Variants in ANKRD28 observed in about 807,000 individuals in gnomAD.
The protein encoded by ANKRD28 is ankyrin repeat domain 28.
ANKRD28 carries 44 observed loss-of-function variants against 126.5 expected under a neutral mutation model. The observed-to-expected ratio is 0.35, with a 90% CI of 0.27 to 0.45. The LOEUF (loss-of-function observed/expected upper bound fraction) is 0.45, where lower values mean the gene tolerates loss of function less well. Ranked by LOEUF, ANKRD28 falls within the 20% of genes least tolerant of loss-of-function variation. The pLI is 1.00. For synonymous variants in ANKRD28, 442 were observed against 468.5 expected, an observed-to-expected ratio of 0.94 and a Z score of 0.73; for missense variants, 1,110 against 1,316.6, an observed-to-expected ratio of 0.84 and a Z score of 2.43.
intron 4 of ANKRD28, among the ~76,000 whole-genome samples, chr3:15,744,007 G>GC (rs2057305093): frequency 6.6e-6 from 1 of 152,108 alleles, no homozygotes; most frequent in African/African-American, 2.4e-5. Flanking sequence ...TAAACCAAAA[G>GC]CCACCTACAG....
At chr3:15,713,398 G>C (rs1575328786) in intron 10 of ANKRD28, 129 bp downstream of exon 10, 1 of 665,092 alleles carries the variant, frequency 1.5e-6, no homozygotes. Context: ...CAATACAAAA[G>C]AAAGTTCAAG....
At chr3:15,780,104 G>C (rs1575651889) in intron 2 of ANKRD28, among the ~76,000 whole-genome samples, 1 of 151,958 alleles carries the variant, frequency 6.6e-6, no homozygotes, top group African/African-American at 2.4e-5. Context: ...GAAGTAAAAG[G>C]CATCCTAATA....
At chr3:15,781,451 T>G (rs2059536631) in intron 2 of ANKRD28, 1 of 152,122 alleles carries the variant, frequency 6.6e-6, no homozygotes, top group South Asian at 2.1e-4. Flanking sequence ...TATATTAGCT[T>G]GATTTAATCA....
At chr3:15,761,921 C>A (rs1018831011) in intron 3 of ANKRD28, among the ~76,000 whole-genome samples, 19 of 152,042 alleles carry the variant, frequency 1.2e-4, no homozygotes, top group Non-Finnish European at 2.8e-4. Flanking sequence ...CATGGTGGCT[C>A]ACAGCTGTAA....
chr3:15,769,849 G>A (rs777199347), intron 2 of ANKRD28, among the ~76,000 whole-genome samples: 1 of 152,126 alleles, frequency 6.6e-6, no homozygotes, highest in African/African-American at 2.4e-5. Flanking sequence ...AAGGCAAACA[G>A]TGAACAGTAA....
chr3:15,841,821 G>C (rs2061428863), intron 1 of ANKRD28, among the ~76,000 whole-genome samples: 1 of 152,140 alleles, frequency 6.6e-6, no homozygotes, highest in Non-Finnish European at 1.5e-5. Context: ...CTTGTACACT[G>C]TTGGTAGGAA....
At chr3:15,740,632 C>T (rs1316077070) in intron 4 of ANKRD28, among the ~76,000 whole-genome samples, 1 of 152,134 alleles carries the variant, frequency 6.6e-6, no homozygotes, top group East Asian at 1.9e-4. Context: ...GAGATGTCAG[C>T]CTTGCCTTAT....
At position 15,669,684 on chromosome 3, in the gene ANKRD28, A is replaced by C. The variant is rs1230118899; in HGVS notation, c.*586T>G. On this transcript the variant is annotated 3_prime_UTR_variant, in exon 28 of 28. Coordinates refer to ENST00000683139, the MANE Select transcript of ANKRD28 (RefSeq NM_001349278.2). ...CTTTCAGATGTTTTCTTAAAAAAAA[A>C]ACAAAACCCAAAAAAACTCAACATT... The C allele has an allele frequency of 2.0e-5, 3 of 152,594 alleles. No individual in the cohort carries two copies. Among genetic ancestry groups the C allele is most frequent in the African/African-American group, 4.8e-5 (2 of 41,438 alleles). 9.5% of individuals were successfully genotyped at this position (152,594 alleles called of 1,614,324 possible). A position where few individuals can be genotyped will look rare whatever the true frequency, so the allele number is the denominator to read the frequency against.
At chr3:15,730,519 C>G (rs1028078125) in intron 6 of ANKRD28, among the ~76,000 whole-genome samples, 3 of 152,204 alleles carry the variant, frequency 2.0e-5, no homozygotes, top group Non-Finnish European at 1.5e-5. Flanking sequence ...CCCAATGTCT[C>G]TTACACTAAC....
In ANKRD28 at chr3:15,757,714, C is replaced by T. The variant is rs200190663; in HGVS notation, c.281-5894G>A. On this transcript the variant is annotated intron_variant, in intron 3 of 27. Transcript: ENST00000683139. ...CCAGATACCAAATCTTCTGGCATCA[C>T]GATCTTCCCAGGCCCCAGAACTGAG... 3.7e-4 allele frequency among the ~76,000 whole-genome samples: 56 copies of T among 152,272 alleles called. 1 individual carries two copies. Among genetic ancestry groups the T allele is most frequent in the East Asian group, 2.1e-3 (11 of 5,178 alleles).
intron 2 of ANKRD28, among the ~76,000 whole-genome samples, chr3:15,794,189 T>C (rs1255428541): frequency 6.6e-6 from 1 of 152,168 alleles, no homozygotes; most frequent in Non-Finnish European, 1.5e-5. Context: ...AATGATAGCA[T>C]TCTGTTCATT....
At chr3:15,673,119 C>T (rs146202150) in intron 27 of ANKRD28, among the ~76,000 whole-genome samples, 338 of 152,306 alleles carry the variant, frequency 2.2e-3, no homozygotes, top group African/African-American at 7.8e-3. Flanking sequence ...TTAGAAAGTT[C>T]CTCCCCCACT....
At position 15,684,489 on chromosome 3, in the gene ANKRD28, A is replaced by G. The variant is rs966630613; in HGVS notation, c.2389+737T>C. The G allele has an allele frequency of 2.5e-4, 38 of 152,326 alleles. 5 individuals carry two copies. Among genetic ancestry groups the G allele is most frequent in the Admixed American group, 9.8e-4 (15 of 15,298 alleles). 9.4% of individuals were successfully genotyped at this position (152,326 alleles called of 1,614,324 possible). A position where few individuals can be genotyped will look rare whatever the true frequency, so the allele number is the denominator to read the frequency against. On this transcript the variant is annotated intron_variant, in intron 21 of 27. Coordinates refer to ENST00000683139, the MANE Select transcript of ANKRD28 (RefSeq NM_001349278.2). ...GGTAATATAAGAATGTTATCTTGCAATGTGCTCAGAAAACATACATAGATT... is the reference window on the plus strand; with the variant it reads ...GGTAATATAAGAATGTTATCTTGCAGTGTGCTCAGAAAACATACATAGATT...
chr3:15,706,909 T>C (rs2071517371), intron 14 of ANKRD28, among the ~76,000 whole-genome samples: 1 of 152,166 alleles, frequency 6.6e-6, no homozygotes, highest in Non-Finnish European at 1.5e-5. Flanking sequence ...TGTCTGTTCA[T>C]ATCCTTCACC....
At chr3:15,794,797 T>C (rs2060201715) in intron 2 of ANKRD28, among the ~76,000 whole-genome samples, 2 of 152,326 alleles carry the variant, frequency 1.3e-5, no homozygotes, top group South Asian at 4.1e-4. Flanking sequence ...TATTTAGATA[T>C]ACACTTACAA....
intron 8 of ANKRD28, among the ~76,000 whole-genome samples, chr3:15,715,174 A>C (rs1459176303): frequency 6.6e-6 from 1 of 152,222 alleles, no homozygotes; most frequent in African/African-American, 2.4e-5. Context: ...GAAGTTCTAA[A>C]GGAGTTCCAA....
At chr3:15,760,433 C>G (rs2058395283) in intron 3 of ANKRD28, among the ~76,000 whole-genome samples, 1 of 152,206 alleles carries the variant, frequency 6.6e-6, no homozygotes, top group Non-Finnish European at 1.5e-5. Flanking sequence ...ACAAACCTAA[C>G]AGATGTTCAC....
intron 3 of ANKRD28, among the ~76,000 whole-genome samples, chr3:15,754,338 T>C (rs1487095018): frequency 6.6e-6 from 1 of 152,194 alleles, no homozygotes; most frequent in East Asian, 1.9e-4. Flanking sequence ...GATTATCAGA[T>C]TGACTATCAT....
chr3:15,765,424 C>T (rs2058690659), intron 3 of ANKRD28, among the ~76,000 whole-genome samples: 1 of 152,184 alleles, frequency 6.6e-6, no homozygotes, highest in Non-Finnish European at 1.5e-5. Flanking sequence ...TATCTACTAT[C>T]AGACTATTTC....
Sources: gnomAD v4.1 joint callset for allele counts (sites outside exome capture counted in the v4.1 genomes callset) on GRCh38, gnomAD v4.1.1 for gene constraint, MANE v1.5 for transcripts, NCBI Gene and HGNC (gene_info 2026-07-23, HGNC 2026-07-21) for gene names.